The following LARGE1 variants were observed in gnomAD, a reference collection of about 807,000 sequenced individuals.
LARGE1 encodes the protein xylosyl- and glucuronyltransferase LARGE1.
LARGE1 carries 43 observed loss-of-function variants against 87.6 expected under a neutral mutation model. The ratio of observed to expected loss-of-function variants is 0.49; its 90% CI spans 0.38 to 0.63. The LOEUF is 0.63. Among genes scored for constraint, LARGE1 ranks in the 30% least tolerant of loss-of-function variants. The probability of loss-of-function intolerance (pLI) is 0.00; values close to 1 mark genes in which losing one functional copy is unlikely to be tolerated. For synonymous variants in LARGE1, 434 were observed against 394.6 expected, an observed-to-expected ratio of 1.10 and a Z score of -1.18; for missense variants, 802 against 1,000.2, an observed-to-expected ratio of 0.80 and a Z score of 2.67.
chr22:33,200,973 T>G (rs1033478002), intron 11 of LARGE1, among the ~76,000 whole-genome samples: 5 of 152,148 alleles, frequency 3.3e-5, no homozygotes, highest in African/African-American at 1.2e-4. Context: ...AAGAATTATC[T>G]CAATGTTTTT....
Position 33,366,845 on chromosome 22 carries a change from C to T in LARGE1, c.1131+15074G>A, listed in dbSNP as rs988611110. 2.6e-5 allele frequency among the ~76,000 whole-genome samples: 4 copies of T among 151,936 alleles called. No individual in the cohort carries two copies. In the South Asian group the frequency reaches 6.2e-4, roughly 24 times the overall value. On this transcript the variant is annotated intron_variant, in intron 9 of 14. Transcript: ENST00000397394. Reference sequence around the variant, plus strand: ...GTCTGATTTTGGTGTTGATAATATCCTGGCTTTGCTGAATGGGTTAAAAAG... The same window carrying T: ...GTCTGATTTTGGTGTTGATAATATCTTGGCTTTGCTGAATGGGTTAAAAAG...
intron 11 of LARGE1, among the ~76,000 whole-genome samples, chr22:33,190,744 A>G (rs1170667730): frequency 1.3e-5 from 2 of 152,194 alleles, no homozygotes; most frequent in Non-Finnish European, 2.9e-5. Context: ...TTTGTTCTCC[A>G]TAGAAACCAG....
At chr22:33,159,130 G>T (rs1382457364), downstream of LARGE1, among the ~76,000 whole-genome samples, 6 of 152,002 alleles carry the variant, frequency 3.9e-5, no homozygotes, top group Non-Finnish European at 8.8e-5. Context: ...GCCCATCTGG[G>T]TGTGGCTGTG....
intron 12 of LARGE1, among the ~76,000 whole-genome samples, chr22:33,291,028 G>C (rs1349684927): frequency 2.7e-5 from 4 of 150,100 alleles, no homozygotes; most frequent in Admixed American, 2.0e-4. Flanking sequence ...AACAGAGCGA[G>C]ACTCCATCTC....
chr22:33,919,886 C>T (rs1395838409), intron 1 of LARGE1, 109 bp downstream of exon 1: 1 of 152,340 alleles, frequency 6.6e-6, no homozygotes, highest in African/African-American at 2.4e-5. Context: ...GCCCGGCCTC[C>T]CCGCCGGCAT....
chr22:33,593,596 T>G (rs2078903486), intron 5 of LARGE1, among the ~76,000 whole-genome samples: 1 of 152,176 alleles, frequency 6.6e-6, no homozygotes, highest in Non-Finnish European at 1.5e-5. Context: ...TTCCATACCT[T>G]GTCCACAGCC....
chr22:33,718,649 T>G (rs2082983919), intron 2 of LARGE1, among the ~76,000 whole-genome samples: 2 of 152,212 alleles, frequency 1.3e-5, no homozygotes, highest in African/African-American at 4.8e-5. Context: ...CTATCCTAAC[T>G]CCAATCAATG....
At chr22:33,256,339 A>T (rs1297515029) in intron 11 of LARGE1, among the ~76,000 whole-genome samples, 1 of 152,222 alleles carries the variant, frequency 6.6e-6, no homozygotes, top group Non-Finnish European at 1.5e-5. Flanking sequence ...ACCGAAGCCG[A>T]AAGTTGCAGA....
chr22:33,331,454 C>T (rs1330324720), intron 10 of LARGE1, among the ~76,000 whole-genome samples: 1 of 145,090 alleles, frequency 6.9e-6, no homozygotes, highest in Non-Finnish European at 1.5e-5. Context: ...GTTGCCCAGG[C>T]TGGAGTGCAA....
intron 10 of LARGE1, among the ~76,000 whole-genome samples, chr22:33,334,926 G>A (rs973446481): frequency 4.6e-5 from 7 of 152,222 alleles, no homozygotes; most frequent in Non-Finnish European, 8.8e-5. Context: ...AAAGACCACC[G>A]ACGACTTCTT....
chr22:33,470,886 C>G (rs1234774680), intron 6 of LARGE1, among the ~76,000 whole-genome samples: 1 of 152,188 alleles, frequency 6.6e-6, no homozygotes, highest in Non-Finnish European at 1.5e-5. Context: ...TTAACCAAAT[C>G]TAAGTCTCCC....
chr22:33,548,208 T>C (rs1462449989), intron 6 of LARGE1, among the ~76,000 whole-genome samples: 1 of 152,068 alleles, frequency 6.6e-6, no homozygotes, highest in African/African-American at 2.4e-5. Flanking sequence ...TGAGATCTGG[T>C]TTTTTAAAAA....
At chr22:33,606,561 G>A (rs573493603) in intron 4 of LARGE1, among the ~76,000 whole-genome samples, 41 of 152,024 alleles carry the variant, frequency 2.7e-4, no homozygotes, top group Non-Finnish European at 5.1e-4. Context: ...CAGACATACA[G>A]ACCATCTCTC....
intron 6 of LARGE1, among the ~76,000 whole-genome samples, chr22:33,535,632 A>AG (rs751707997): frequency 2.6e-5 from 4 of 152,168 alleles, no homozygotes; most frequent in Non-Finnish European, 5.9e-5. Flanking sequence ...GAGAAGAGGT[A>AG]GGGGTTCTAA....
intron 2 of LARGE1, among the ~76,000 whole-genome samples, chr22:33,652,214 G>A (rs2080840113): frequency 6.6e-6 from 1 of 151,984 alleles, no homozygotes; most frequent in Non-Finnish European, 1.5e-5. Flanking sequence ...AAAAAACTGA[G>A]GCACAGAGAC....
intron 2 of LARGE1, among the ~76,000 whole-genome samples, chr22:33,715,147 A>G (rs774175172): frequency 1.6e-4 from 25 of 152,178 alleles, no homozygotes; most frequent in African/African-American, 7.2e-5. Flanking sequence ...ACTTTACACA[A>G]TCAAAAATGG....
At chr22:33,911,757 CT>C (rs2065645059) in intron 1 of LARGE1, among the ~76,000 whole-genome samples, 2 of 152,170 alleles carry the variant, frequency 1.3e-5, no homozygotes, top group Non-Finnish European at 2.9e-5. Context: ...CTCTCCTTGC[CT>C]TTTTACAAAG....
chr22:33,898,697 T>C (rs2065209665), intron 1 of LARGE1, among the ~76,000 whole-genome samples: 2 of 152,146 alleles, frequency 1.3e-5, no homozygotes, highest in Non-Finnish European at 2.9e-5. Flanking sequence ...GAGGTTGTGG[T>C]GAGCCGAGAT....
chr22:33,428,551 G>C (rs2066960058), intron 7 of LARGE1, among the ~76,000 whole-genome samples: 1 of 150,566 alleles, frequency 6.6e-6, no homozygotes, highest in Non-Finnish European at 1.5e-5. Flanking sequence ...CTGACCTCGT[G>C]ATCCACCCAC....
Sources: allele counts gnomAD v4.1 joint callset (sites outside exome capture counted in the v4.1 genomes callset), GRCh38; gene constraint gnomAD v4.1.1; transcripts MANE v1.5; gene names NCBI Gene and HGNC (gene_info 2026-07-23, HGNC 2026-07-21).